The following CHD4 variants were observed in gnomAD, a reference collection of about 807,000 sequenced individuals.
CHD4 encodes the protein ATP-dependent chromatin remodeler CHD4.
CHD4 carries 35 observed loss-of-function variants against 235.5 expected under a neutral mutation model. The ratio of observed to expected loss-of-function variants is 0.15; its 90% CI spans 0.11 to 0.20. The LOEUF (loss-of-function observed/expected upper bound fraction) is 0.20, where lower values mean the gene tolerates loss of function less well. Among genes scored for constraint, CHD4 ranks in the 10% least tolerant of loss-of-function variants. The pLI is 1.00. For missense variants in CHD4, 1,329 were observed against 2,432.3 expected, an observed-to-expected ratio of 0.55 and a Z score of 9.54; for synonymous variants, 900 against 850.2, an observed-to-expected ratio of 1.06 and a Z score of -1.02.
At position 6,578,374 on chromosome 12, in the gene CHD4, T is replaced by C. The variant is rs1185996276; in HGVS notation, c.5119+35A>G. On this transcript the variant is annotated intron_variant, in intron 35 of 39. Transcript: ENST00000544040. The stretch of plus-strand genomic sequence containing the variant: ...ACAAGAACCCCAATTTCACATCAGA[T>C]CCTTCTAACCCTGGTGGGCCCCTCA... 8.7e-6 allele frequency: 14 copies of C among 1,600,632 alleles called. No individual in the cohort carries two copies. In the Admixed American group the frequency reaches 8.8e-5, roughly 10 times the overall value.
rs1565605991 is a variant in CHD4, at chr12:6,582,930, C to T, written c.4154G>A (p.Arg1385His). ...EDFDERSEAP[R>H]RPSRKGLRND... ...CCGCAGGCCCTTACGACTGGGCCTA[C>T]GGGGAGCTGCAAGAAGAAAAAGATG... The change falls in exon 28 of 40, where the codon CGT (arginine) becomes CAT (histidine). Residue 1385 changes from arginine (R) to histidine (H), a missense_variant. Arg to His is a conservative substitution (Grantham distance 29, BLOSUM62 0). Coordinates refer to ENST00000544040, the MANE Select transcript of CHD4 (RefSeq NM_001273.5). 1.2e-6 allele frequency: 2 copies of T among 1,613,340 alleles called. No homozygotes were observed. The highest frequency in any genetic ancestry group is 1.7e-6 in the Non-Finnish European group (2 of 1,179,808).
At chr12:6,603,060 C>A (rs1179163275) in intron 2 of CHD4, 1 of 152,478 alleles carries the variant, frequency 6.6e-6, no homozygotes, top group Non-Finnish European at 1.5e-5. Flanking sequence ...CTCATGCCCA[C>A]TTCTAAAATA....
chr12:6,587,336 T>C, intron 25 of CHD4, 48 bp downstream of exon 25: 2 of 1,581,734 alleles, frequency 1.3e-6, no homozygotes, highest in Non-Finnish European at 1.7e-6. Context: ...TCAATGCCAA[T>C]TTTCAGACCA....
chr12:6,606,629 A>C, intron 1 of CHD4, 178 bp from the exon 2 acceptor site: 1 of 379,720 alleles, frequency 2.6e-6, no homozygotes, highest in Non-Finnish European at 4.7e-6. Flanking sequence ...GCTCCCCGGC[A>C]GGCGCCCCCA....
At chr12:6,578,233 C>T (rs1948106047) in intron 35 of CHD4, 96 bp from the exon 36 acceptor site, 1 of 1,343,504 alleles carries the variant, frequency 7.4e-7, no homozygotes, top group Admixed American at 1.8e-5. Flanking sequence ...CATCCCCTAC[C>T]CCTGGATCCA....
intron 9 of CHD4, 32 bp downstream of exon 9, chr12:6,600,185 G>A (rs1436506979): frequency 3.1e-6 from 5 of 1,610,836 alleles, no homozygotes; most frequent in Admixed American, 3.3e-5. Flanking sequence ...CTTCTCATGG[G>A]TTCCAAGGGG....
chr12:6,591,854 TAAAA>T (rs746465024), intron 20 of CHD4, 29 bp from the exon 21 acceptor site: 1 of 1,613,714 alleles, frequency 6.2e-7, no homozygotes, highest in Non-Finnish European at 8.5e-7. Context: ...AAAAAAGTAT[TAAAA>T]GAAAGCCCAC....
chr12:6,573,391 T>C (rs1948013205), intron 37 of CHD4, 122 bp from the exon 38 acceptor site: 1 of 756,566 alleles, frequency 1.3e-6, no homozygotes, highest in Non-Finnish European at 1.9e-6. Context: ...AAGAACTTCA[T>C]GGACAGCTCA....
rs1426710056 is a variant in CHD4 at position 6,600,611 on chromosome 12, T to C, written c.986A>G (p.Tyr329Cys). Residue 329 changes from tyrosine (Y) to cysteine (C), a missense_variant, in exon 8 of 40, where the codon TAT becomes TGT. Tyr to Cys is a radical substitution (Grantham distance 194). Transcript: ENST00000544040. ...GCTGGTGGAACCATCAGAAACAGAA[T>C]AGCTATTGATACTGGCATCATCGAA... is the stretch of plus-strand genomic sequence containing the variant. The part of the protein sequence containing the change: ...SDFDDASINS[Y>C]SVSDGSTSRS... The C allele has an allele frequency of 1.2e-6, 2 of 1,614,024 alleles. No homozygotes were observed. The highest frequency in any genetic ancestry group is 1.7e-6 in the Non-Finnish European group (2 of 1,179,990).
chr12:6,582,351 G>C, intron 29 of CHD4, 70 bp from the exon 30 acceptor site: 3 of 1,485,552 alleles, frequency 2.0e-6, no homozygotes, highest in Non-Finnish European at 2.7e-6. Flanking sequence ...CCATCCCTTC[G>C]TGAGGCATTA....
chr12:6,594,772 G>A (rs1174487348), intron 14 of CHD4, 122 bp from the exon 15 acceptor site: 9 of 831,530 alleles, frequency 1.1e-5, no homozygotes, highest in Admixed American at 5.8e-5. Context: ...CGGAAAATTC[G>A]GAGGGAAGAG....
At chr12:6,591,405 T>C in intron 22 of CHD4, 61 bp downstream of exon 22, 2 of 1,293,438 alleles carry the variant, frequency 1.5e-6, no homozygotes, top group Non-Finnish European at 1.1e-6. Context: ...CACAAGAAGT[T>C]ACAGTCCAAA....
chr12:6,597,697 C>G (rs1948523554), intron 12 of CHD4, among the ~76,000 whole-genome samples, 197 bp downstream of exon 12: 2 of 151,518 alleles, frequency 1.3e-5, no homozygotes, highest in Non-Finnish European at 2.9e-5. Flanking sequence ...ATCTGGGAGG[C>G]AGAGGTTGCA....
intron 33 of CHD4, among the ~76,000 whole-genome samples, chr12:6,579,906 A>G (rs1174261885): frequency 6.6e-6 from 1 of 151,102 alleles, no homozygotes; most frequent in Non-Finnish European, 1.5e-5. Context: ...AATACAAAAA[A>G]TTAGCCGGGC....
chr12:6,601,135 C>G, intron 6 of CHD4, 82 bp from the exon 7 acceptor site: 3 of 1,525,302 alleles, frequency 2.0e-6, no homozygotes, highest in South Asian at 1.3e-5. Flanking sequence ...GCTTGCTTCC[C>G]CACATTCAGA....
intron 25 of CHD4, 59 bp downstream of exon 25, chr12:6,587,325 C>A: frequency 6.4e-7 from 1 of 1,564,728 alleles, no homozygotes; most frequent in Non-Finnish European, 8.7e-7. Flanking sequence ...CCACCTTGGT[C>A]TCAATGCCAA....
intron 25 of CHD4, chr12:6,584,733 T>TA (rs1028651519): frequency 6.6e-6 from 1 of 152,182 alleles, no homozygotes; most frequent in African/African-American, 2.4e-5. Flanking sequence ...AAATAAAACT[T>TA]AAAAATATTT....
At chr12:6,572,741 T>C (rs1247926819) in intron 38 of CHD4, among the ~76,000 whole-genome samples, 1 of 152,198 alleles carries the variant, frequency 6.6e-6, no homozygotes, top group African/African-American at 2.4e-5. Context: ...TTTCTATTTT[T>C]AGTAGAGACG....
At chr12:6,573,608 T>C (rs1001639714) in intron 37 of CHD4, among the ~76,000 whole-genome samples, 1 of 152,206 alleles carries the variant, frequency 6.6e-6, no homozygotes, top group Non-Finnish European at 1.5e-5. Context: ...TTTAGGTTTT[T>C]TTGTGCATAG....
Sources: gnomAD v4.1 joint callset for allele counts (sites outside exome capture counted in the v4.1 genomes callset) on GRCh38, gnomAD v4.1.1 for gene constraint, MANE v1.5 for transcripts, NCBI Gene and HGNC (gene_info 2026-07-23, HGNC 2026-07-21) for gene names.